The following TMEM120B variants were observed in gnomAD, a reference collection of about 807,000 sequenced individuals.
TMEM120B encodes the protein transmembrane protein 120B.
A neutral mutation model predicts 55.5 loss-of-function variants in TMEM120B; 31 were observed. The observed-to-expected ratio is 0.56, with a 90% CI of 0.42 to 0.75. The LOEUF (loss-of-function observed/expected upper bound fraction) is 0.75, where lower values mean the gene tolerates loss of function less well. TMEM120B is among the 30% of genes least tolerant of loss of function. The pLI, the probability that TMEM120B is intolerant of heterozygous loss-of-function variation, is 0.00. For missense variants in TMEM120B, 399 were observed against 425.5 expected, an observed-to-expected ratio of 0.94 and a Z score of 0.55; for synonymous variants, 203 against 176.3, an observed-to-expected ratio of 1.15 and a Z score of -1.20.
At chr12:121,731,333 C>T (rs774731591) in intron 1 of TMEM120B, among the ~76,000 whole-genome samples, 16 of 152,108 alleles carry the variant, frequency 1.1e-4, no homozygotes, top group African/African-American at 2.4e-4. Flanking sequence ...CTCACTGCAA[C>T]GTCTGCCTCC....
chr12:121,733,059 T>C (rs1316885888), intron 1 of TMEM120B, among the ~76,000 whole-genome samples: 1 of 151,840 alleles, frequency 6.6e-6, no homozygotes, highest in Non-Finnish European at 1.5e-5. Flanking sequence ...AGAAATCTTC[T>C]CTAGAGACAT....
At chr12:121,753,549 C>G (rs532532760) in intron 5 of TMEM120B, among the ~76,000 whole-genome samples, 8 of 151,194 alleles carry the variant, frequency 5.3e-5, no homozygotes, top group African/African-American at 1.9e-4. Context: ...CCAGCCTGGA[C>G]AACAGAGCGA....
intron 2 of TMEM120B, among the ~76,000 whole-genome samples, chr12:121,744,263 G>T (rs1338961229): frequency 1.3e-5 from 2 of 152,152 alleles, no homozygotes; most frequent in South Asian, 4.1e-4. Flanking sequence ...GACATTCTGG[G>T]TTCAGTCCTC....
At chr12:121,715,670 A>C (rs1894687112) in intron 1 of TMEM120B, among the ~76,000 whole-genome samples, 1 of 152,088 alleles carries the variant, frequency 6.6e-6, no homozygotes, top group Non-Finnish European at 1.5e-5. Flanking sequence ...TTTGGTGGTC[A>C]CCTGCTGGGT....
chr12:121,774,708 C>T lies in TMEM120B; in HGVS notation c.823C>T (p.Leu275Phe). The change falls in exon 10 of 12, where the codon CTC becomes TTC. Residue 275 changes from leucine (L) to phenylalanine (F), a missense_variant. Physicochemically the swap from Leu to Phe is conservative, Grantham distance 22. Around this residue, in one of 3 missense-constraint regions of TMEM120B, gnomAD observed 260 missense variants for 303.9 expected, o/e 0.86. Transcript: ENST00000449592. ...WRGLTFLLPF[L>F]FCGHFWQLYN... ...GGGCCTCACCTTTCTCCTGCCCTTC[C>T]TCTTCTGTGGCCATGTGAGTCCCCC... 1 of 1,614,008 alleles carries T rather than the reference C, an allele frequency of 6.2e-7. No individual in the cohort carries two copies. Among genetic ancestry groups the T allele is most frequent in the Non-Finnish European group, 8.5e-7 (1 of 1,179,936 alleles).
At chr12:121,763,311 C>T (rs983840676) in intron 6 of TMEM120B, among the ~76,000 whole-genome samples, 6 of 151,766 alleles carry the variant, frequency 4.0e-5, no homozygotes, top group East Asian at 3.9e-4. Context: ...TACAGGCGCC[C>T]GCCACCACAC....
intron 6 of TMEM120B, among the ~76,000 whole-genome samples, chr12:121,763,006 G>C (rs1873729047): frequency 6.6e-6 from 1 of 152,132 alleles, no homozygotes; most frequent in African/African-American, 2.4e-5. Context: ...AGTGCGAGAA[G>C]CCCTGTTGTT....
intron 2 of TMEM120B, among the ~76,000 whole-genome samples, chr12:121,746,747 G>A (rs1484028559): frequency 6.6e-6 from 1 of 152,082 alleles, no homozygotes; most frequent in Non-Finnish European, 1.5e-5. Context: ...GAGGTCAGGA[G>A]ATCGAGACCA....
chr12:121,780,670 G>T lies in TMEM120B; in HGVS notation c.*4948G>T. On this transcript the variant is annotated 3_prime_UTR_variant, in exon 12 of 12. Coordinates refer to ENST00000449592, the MANE Select transcript of TMEM120B (RefSeq NM_001080825.2). ...AAACTGGGGGATGTGAACAGCGCCT[G>T]CCTCCGAGTCCTAAGGATTGGGAGT... The T allele has an allele frequency of 1.6e-6, 1 of 626,646 alleles. No individual in the cohort carries two copies. Among genetic ancestry groups the T allele is most frequent in the Non-Finnish European group, 2.7e-6 (1 of 368,422 alleles). 38.8% of individuals were successfully genotyped at this position (626,646 alleles called of 1,614,324 possible). A position where few individuals can be genotyped will look rare whatever the true frequency, so the allele number is the denominator to read the frequency against.
At chr12:121,722,407 A>G (rs1051991835) in intron 1 of TMEM120B, among the ~76,000 whole-genome samples, 1 of 152,114 alleles carries the variant, frequency 6.6e-6, no homozygotes, top group Admixed American at 6.6e-5. Flanking sequence ...TCCATTCTAC[A>G]TTTTTATAAG....
At position 121,774,691 on chromosome 12, in the gene TMEM120B, C is replaced by A; in HGVS notation, c.806C>A (p.Thr269Asn). 1 of 1,614,006 alleles carries A rather than the reference C, an allele frequency of 6.2e-7. No individual in the cohort carries two copies. Among genetic ancestry groups the A allele is most frequent in the Non-Finnish European group, 8.5e-7 (1 of 1,179,908 alleles). Residue 269 changes from threonine to asparagine, a missense_variant, in exon 10 of 12, where the codon ACC becomes AAC. Physicochemically the swap from Thr to Asn is moderately conservative, Grantham distance 65. Around this residue, in one of 3 missense-constraint regions of TMEM120B, gnomAD observed 260 missense variants for 303.9 expected, o/e 0.86. Transcript: ENST00000449592. ...CAGTCCTGGATGTGGCGGGGCCTCACCTTTCTCCTGCCCTTCCTCTTCTGT... is the reference window on the plus strand; with the variant it reads ...CAGTCCTGGATGTGGCGGGGCCTCAACTTTCTCCTGCCCTTCCTCTTCTGT... Reference protein sequence around the residue: ...GFQSWMWRGLTFLLPFLFCGH... With the variant: ...GFQSWMWRGLNFLLPFLFCGH...
Position 121,748,420 on chromosome 12 carries a change from G to T in TMEM120B, c.283G>T (p.Ala95Ser), listed in dbSNP as rs757220809. ...GCAGGACGTCTTCTTCGACATGGAGGCCTACCTGCCCAAGAAGAACGGGTA... is the reference window on the plus strand; with the variant it reads ...GCAGGACGTCTTCTTCGACATGGAGTCCTACCTGCCCAAGAAGAACGGGTA... ...ERQDVFFDME[A>S]YLPKKNGLYL... The change falls in exon 3 of 12, where the codon GCC becomes TCC. Residue 95 changes from alanine (A) to serine (S), a missense_variant. This residue lies in a region of TMEM120B where 133 missense variants were observed against 104.1 expected (regional missense o/e 1.28). Transcript: ENST00000449592. 1.5e-5 allele frequency: 24 copies of T among 1,609,626 alleles called. No homozygotes were observed. The highest frequency in any genetic ancestry group is 2.0e-5 in the Non-Finnish European group (23 of 1,177,880).
chr12:121,752,716 C>A (rs1197440102), intron 5 of TMEM120B, among the ~76,000 whole-genome samples: 1 of 151,936 alleles, frequency 6.6e-6, no homozygotes, highest in Non-Finnish European at 1.5e-5. Context: ...TCGCTGCACT[C>A]CAGCCTGGGT....
Position 121,713,280 on chromosome 12 carries a change from G to A in TMEM120B, c.69+316G>A, listed in dbSNP as rs186509145. 3.2e-3 allele frequency among the ~76,000 whole-genome samples: 484 copies of A among 152,266 alleles called. 4 individuals carry two copies. The highest frequency in any genetic ancestry group is 0.011 in the African/African-American group (455 of 41,558). ...AGTTCCAGGCGTGTTCATCTGTGGG[G>A]GTGGTTCAAAGAGAACAGCCCAGCC... On this transcript the variant is annotated intron_variant, in intron 1 of 11. Coordinates refer to ENST00000449592, the MANE Select transcript of TMEM120B (RefSeq NM_001080825.2).
At chr12:121,750,301 T>G in intron 3 of TMEM120B, 79 bp from the exon 4 acceptor site, 1 of 1,343,786 alleles carries the variant, frequency 7.4e-7, no homozygotes, top group South Asian at 1.2e-5. Flanking sequence ...GATGTGCTCA[T>G]TAAGTGTGTT....
intron 1 of TMEM120B, among the ~76,000 whole-genome samples, chr12:121,730,766 T>C (rs1894986046): frequency 6.6e-6 from 1 of 151,360 alleles, no homozygotes; most frequent in Admixed American, 6.6e-5. Context: ...GAGACCAGCC[T>C]GACCAACATG....
chr12:121,753,507 G>T (rs180793516), intron 5 of TMEM120B, among the ~76,000 whole-genome samples: 1 of 152,002 alleles, frequency 6.6e-6, no homozygotes, highest in Non-Finnish European at 1.5e-5. Context: ...GGAGGCAGAG[G>T]TTGCAATGAG....
At chr12:121,750,869 CCACA>C (rs1873276170) in intron 4 of TMEM120B, among the ~76,000 whole-genome samples, 1 of 133,264 alleles carries the variant, frequency 7.5e-6, no homozygotes, top group Non-Finnish European at 1.6e-5. Flanking sequence ...CACCCCACAC[CCACA>C]CCACACACCA....
At chr12:121,740,446 C>T (rs1872902550) in intron 1 of TMEM120B, among the ~76,000 whole-genome samples, 2 of 151,578 alleles carry the variant, frequency 1.3e-5, no homozygotes, top group South Asian at 2.1e-4. Context: ...GATCATGCCA[C>T]TGCACTCCAG....
Sources: allele counts gnomAD v4.1 joint callset (sites outside exome capture counted in the v4.1 genomes callset), GRCh38; gene constraint gnomAD v4.1.1; regional missense constraint gnomAD v4.1.1; transcripts MANE v1.5; gene names NCBI Gene and HGNC (gene_info 2026-07-23, HGNC 2026-07-21).